The following RAB23 variants were observed in gnomAD, a reference collection of about 807,000 sequenced individuals.
RAB23 encodes RAB23, member RAS oncogene family.
A neutral mutation model predicts 30.0 loss-of-function variants in RAB23; 15 were observed. The observed-to-expected ratio is 0.50, with a 90% CI of 0.33 to 0.77. The LOEUF is 0.77. Among genes scored for constraint, RAB23 ranks in the 30% least tolerant of loss-of-function variants. The pLI is 0.02. For synonymous variants in RAB23, 93 were observed against 94.0 expected, an observed-to-expected ratio of 0.99 and a Z score of 0.06; for missense variants, 243 against 275.4, an observed-to-expected ratio of 0.88 and a Z score of 0.83.
chr6:57,212,901 C>A (rs1445875874), intron 1 of RAB23, among the ~76,000 whole-genome samples: 1 of 151,836 alleles, frequency 6.6e-6, no homozygotes, highest in Admixed American at 6.6e-5. Context: ...AACAAACAAA[C>A]AAAAAACCTG....
rs1325787795 is a variant in RAB23, at chr6:57,222,083, A to G, written c.-423T>C. 2.6e-5 allele frequency: 4 copies of G among 152,350 alleles called. No individual in the cohort carries two copies. The highest frequency in any genetic ancestry group is 9.7e-5 in the African/African-American group (4 of 41,424). 9.4% of individuals were successfully genotyped at this position (152,350 alleles called of 1,614,324 possible). On this transcript the variant is annotated 5_prime_UTR_variant, in exon 1 of 7. Coordinates refer to ENST00000468148, the MANE Select transcript of RAB23 (RefSeq NM_016277.5). ...CACCGGCTCCTCCTGGTCGCGGCGC[A>G]ACCGCTGCCGCCGCTGTCTCCTCCC...
At chr6:57,194,553 T>TA (rs1158489482) in intron 5 of RAB23, among the ~76,000 whole-genome samples, 1 of 151,972 alleles carries the variant, frequency 6.6e-6, no homozygotes, top group Non-Finnish European at 1.5e-5. Flanking sequence ...AAGATAATAA[T>TA]AAAAATGGAA....
intron 3 of RAB23, among the ~76,000 whole-genome samples, chr6:57,204,333 A>C (rs1375146338): frequency 3.9e-5 from 6 of 152,200 alleles, no homozygotes; most frequent in Non-Finnish European, 8.8e-5. Context: ...TTCTATTTTC[A>C]AGTACTGCTT....
chr6:57,192,963 G>A (rs1764896317), intron 6 of RAB23, among the ~76,000 whole-genome samples: 1 of 152,194 alleles, frequency 6.6e-6, no homozygotes, highest in Non-Finnish European at 1.5e-5. Flanking sequence ...ATGTAATGGT[G>A]TGGCAGGAGG....
rs1223512108 is a variant in RAB23 at position 57,189,311 on chromosome 6, A to C, written c.*1150T>G. 6.6e-6 allele frequency: 1 copy of C among 152,266 alleles called. No individual in the cohort carries two copies. The highest frequency in any genetic ancestry group is 1.5e-5 in the Non-Finnish European group (1 of 68,048). 9.4% of individuals were successfully genotyped at this position (152,266 alleles called of 1,614,324 possible). ...TTAAAATACCATACAAAAATGTGTA[A>C]ACAAAAGGATGGTTTAGAGTTGCAG... On this transcript the variant is annotated 3_prime_UTR_variant, in exon 7 of 7. Coordinates refer to ENST00000468148, the MANE Select transcript of RAB23 (RefSeq NM_016277.5).
chr6:57,205,295 A>G (rs1409696313), intron 3 of RAB23, among the ~76,000 whole-genome samples: 1 of 152,060 alleles, frequency 6.6e-6, no homozygotes, highest in Non-Finnish European at 1.5e-5. Context: ...ACTTAAGGTC[A>G]GAGTATAAAG....
rs1764759400 is a variant in RAB23 at position 57,189,687 on chromosome 6, TA to T, written c.*773del. 1 of 152,648 alleles carries T rather than the reference TA, an allele frequency of 6.6e-6. No homozygotes were observed. Among genetic ancestry groups the T allele is most frequent in the Admixed American group, 6.5e-5 (1 of 15,272 alleles). The allele number at this position is 152,648 out of a possible 1,614,324, so 9.5% of individuals were successfully genotyped here. A position where few individuals can be genotyped will look rare whatever the true frequency, so the allele number is the denominator to read the frequency against. ...AAAACTGCTTACTGCTTTTAAAAGA[TA>T]TAATAAACAATATAAATTCTGATAG... On this transcript the variant is annotated 3_prime_UTR_variant, in exon 7 of 7. Coordinates refer to ENST00000468148, the MANE Select transcript of RAB23 (RefSeq NM_016277.5).
intron 6 of RAB23, among the ~76,000 whole-genome samples, chr6:57,191,285 ATTACTTTTC>A: frequency 6.6e-6 from 1 of 152,140 alleles, no homozygotes; most frequent in South Asian, 2.1e-4. Context: ...TACGCATGTT[ATTACTTTTC>A]CTACTTATCC....
In RAB23 at chr6:57,189,753, A is replaced by C. The variant is rs1424814029; in HGVS notation, c.*708T>G. ...AATTAGGTATGATATTTTTGGCACA[A>C]AGCACTTTTTAAACCCAAGCTCATT... On this transcript the variant is annotated 3_prime_UTR_variant, in exon 7 of 7. Coordinates refer to ENST00000468148, the MANE Select transcript of RAB23 (RefSeq NM_016277.5). The C allele has an allele frequency of 1.3e-5, 2 of 152,678 alleles. No individual in the cohort carries two copies. Among genetic ancestry groups the C allele is most frequent in the Non-Finnish European group, 1.5e-5 (1 of 68,048 alleles). The allele number at this position is 152,678 out of a possible 1,614,324, so 9.5% of individuals were successfully genotyped here.
In RAB23 at chr6:57,221,975, G is replaced by A. The variant is rs1346887857; in HGVS notation, c.-315C>T. 1.3e-5 allele frequency: 2 copies of A among 152,336 alleles called. No individual in the cohort carries two copies. The highest frequency in any genetic ancestry group is 4.8e-5 in the African/African-American group (2 of 41,436). The allele number at this position is 152,336 out of a possible 1,614,324, so 9.4% of individuals were successfully genotyped here. On this transcript the variant is annotated 5_prime_UTR_variant, in exon 1 of 7. Coordinates refer to ENST00000468148, the MANE Select transcript of RAB23 (RefSeq NM_016277.5). ...GGACGAACCCCCAGCCCCTGGAGAGGGCGAGTGAGTGCAGCGCCGCTGCAC... is the reference window on the plus strand; with the variant it reads ...GGACGAACCCCCAGCCCCTGGAGAGAGCGAGTGAGTGCAGCGCCGCTGCAC...
Position 57,214,743 on chromosome 6 carries a change from C to G in RAB23, c.-65-4298G>C, listed in dbSNP as rs377674590. Among the ~76,000 whole-genome samples, 40 of 152,092 alleles carry G rather than the reference C, an allele frequency of 2.6e-4. No homozygotes were observed. The South Asian group carries it at 3.9e-3, about 15-fold the overall frequency. Reference sequence around the variant, plus strand: ...AAGCTAAAAGAGAATGTAATGAGACCAGAGAATCACAACATAACACTCCCA... The same window carrying G: ...AAGCTAAAAGAGAATGTAATGAGACGAGAGAATCACAACATAACACTCCCA... On this transcript the variant is annotated intron_variant, in intron 1 of 6. Transcript: ENST00000468148.
intron 2 of RAB23, among the ~76,000 whole-genome samples, chr6:57,209,835 A>C (rs1198169451): frequency 1.3e-5 from 2 of 152,206 alleles, no homozygotes; most frequent in East Asian, 3.8e-4. Flanking sequence ...AGTCTTGCCT[A>C]GTTTCAAAAA....
intron 2 of RAB23, 92 bp from the exon 3 acceptor site, chr6:57,207,805 T>C: frequency 1.2e-6 from 1 of 846,054 alleles, no homozygotes; most frequent in Non-Finnish European, 1.9e-6. Flanking sequence ...AATCCAAAGA[T>C]ATTAAAACTA....
At chr6:57,205,191 TTACA>T (rs1032324903) in intron 3 of RAB23, among the ~76,000 whole-genome samples, 48 of 151,588 alleles carry the variant, frequency 3.2e-4, no homozygotes, top group African/African-American at 1.1e-3. Context: ...TATATACATA[TTACA>T]TACATACACA....
chr6:57,202,748 A>T (rs1200045421), intron 3 of RAB23, among the ~76,000 whole-genome samples: 1 of 152,222 alleles, frequency 6.6e-6, no homozygotes, highest in East Asian at 1.9e-4. Context: ...TTTATTTGGC[A>T]GCAACCAAAA....
chr6:57,189,931 C>A lies in RAB23; in HGVS notation c.*530G>T. 1 of 170,212 alleles carries A rather than the reference C, an allele frequency of 5.9e-6. No homozygotes were observed. Among genetic ancestry groups the A allele is most frequent in the Non-Finnish European group, 1.3e-5 (1 of 78,224 alleles). The allele number at this position is 170,212 out of a possible 1,614,324, so 10.5% of individuals were successfully genotyped here. A position where few individuals can be genotyped will look rare whatever the true frequency, so the allele number is the denominator to read the frequency against. ...CCAGTACCAGACATCTGCATGCACA[C>A]CCCACATTCTACATTACACAGATAT... is the stretch of plus-strand genomic sequence containing the variant. On this transcript the variant is annotated 3_prime_UTR_variant, in exon 7 of 7. Coordinates refer to ENST00000468148, the MANE Select transcript of RAB23 (RefSeq NM_016277.5).
rs1180622476 is a variant in RAB23 at position 57,196,527 on chromosome 6, T to G, written c.321A>C (p.Val107=). ...FEAVSSWREK[V]VAEVGDIPTV... ...TTGGTATATCTCCCACTTCGGCTAC[T>G]ACTTTCTCTCTCCAACTGGAAACTG... Residue 107 remains valine (V), a synonymous_variant, in exon 4 of 7, where the codon GTA becomes GTC. Coordinates refer to ENST00000468148, the MANE Select transcript of RAB23 (RefSeq NM_016277.5). 2 of 1,614,070 alleles carry G rather than the reference T, an allele frequency of 1.2e-6. No individual in the cohort carries two copies. Among genetic ancestry groups the G allele is most frequent in the Non-Finnish European group, 1.7e-6 (2 of 1,179,970 alleles).
rs1764787586 is a variant in RAB23 at position 57,190,276 on chromosome 6, A to C, written c.*185T>G. On this transcript the variant is annotated 3_prime_UTR_variant, in exon 7 of 7. Coordinates refer to ENST00000468148, the MANE Select transcript of RAB23 (RefSeq NM_016277.5). ...AAATTAAAGGAGTCCACAGGGCAAT[A>C]ATTTTTCCACCAGAGGTCTCACTCT... 2 of 657,586 alleles carry C rather than the reference A, an allele frequency of 3.0e-6. No individual in the cohort carries two copies. The highest frequency in any genetic ancestry group is 5.1e-6 in the Non-Finnish European group (2 of 388,674). The allele number at this position is 657,586 out of a possible 1,614,324, so 40.7% of individuals were successfully genotyped here.
intron 1 of RAB23, among the ~76,000 whole-genome samples, chr6:57,218,058 C>G (rs1278922017): frequency 6.6e-6 from 1 of 152,154 alleles, no homozygotes; most frequent in African/African-American, 2.4e-5. Flanking sequence ...ACCCCTATAA[C>G]TATGAAGGAA....
Sources: gnomAD v4.1 joint callset for allele counts (sites outside exome capture counted in the v4.1 genomes callset) on GRCh38, gnomAD v4.1.1 for gene constraint, MANE v1.5 for transcripts, NCBI Gene and HGNC (gene_info 2026-07-23, HGNC 2026-07-21) for gene names.